The following BBS9 variants were observed in gnomAD, a reference collection of about 807,000 sequenced individuals.
BBS9 encodes Bardet-Biedl syndrome 9.
Under a neutral mutation model 117.7 loss-of-function variants are expected in BBS9, and 89 were observed. That is an observed-to-expected ratio of 0.76 (90% CI 0.64 to 0.90). BBS9 has a LOEUF of 0.90. Among genes scored for constraint, BBS9 ranks in the 40% least tolerant of loss-of-function variants. BBS9 has a pLI of 0.00. For synonymous variants in BBS9, 379 were observed against 370.9 expected (o/e 1.02, Z -0.25); for missense variants, 982 against 1,042.2 (o/e 0.94, Z 0.80).
rs186772596 is a variant in BBS9 at position 33,602,821 on chromosome 7, G to T, written c.2522-2044G>T. Among the ~76,000 whole-genome samples, 5 of 152,294 alleles carry T rather than the reference G, an allele frequency of 3.3e-5. No homozygotes were observed. The East Asian group carries it at 9.7e-4, about 29-fold the overall frequency. The stretch of plus-strand genomic sequence containing the variant: ...CTGTGGGTGTGGAGTCTGAGGAGGT[G>T]CATGCAATCTGTGTCCACTACAGCA... On this transcript the variant is annotated intron_variant, in intron 21 of 22. Transcript: ENST00000242067.
At chr7:33,395,962 C>T (rs1226495211) in intron 19 of BBS9, among the ~76,000 whole-genome samples, 1 of 152,024 alleles carries the variant, frequency 6.6e-6, no homozygotes, top group African/African-American at 2.4e-5. Context: ...CATATAACCA[C>T]TTAAGAGCTA....
intron 19 of BBS9, among the ~76,000 whole-genome samples, chr7:33,502,082 G>A (rs1314307978): frequency 6.6e-6 from 1 of 151,992 alleles, no homozygotes; most frequent in African/African-American, 2.4e-5. Flanking sequence ...GCTACTTTTT[G>A]TATTTTTAGT....
chr7:33,268,876 G>A (rs1020689301), intron 7 of BBS9, among the ~76,000 whole-genome samples: 1 of 152,132 alleles, frequency 6.6e-6, no homozygotes, highest in Admixed American at 6.6e-5. Context: ...AGACACTGAC[G>A]TACAAAGCCA....
At chr7:33,593,000 T>C (rs933452742) in intron 21 of BBS9, among the ~76,000 whole-genome samples, 5 of 152,180 alleles carry the variant, frequency 3.3e-5, no homozygotes, top group African/African-American at 1.2e-4. Context: ...TGTGTACTTT[T>C]GAGAGAGTAT....
intron 5 of BBS9, among the ~76,000 whole-genome samples, chr7:33,215,597 G>A (rs996407109): frequency 6.6e-6 from 1 of 151,978 alleles, no homozygotes. Context: ...AGATTGGTCT[G>A]GGCAGAAATG....
intron 10 of BBS9, among the ~76,000 whole-genome samples, chr7:33,337,808 A>G (rs1210522754): frequency 6.6e-6 from 1 of 152,146 alleles, no homozygotes; most frequent in Admixed American, 6.5e-5. Context: ...ATTTAAAAAT[A>G]TAATTGGGGA....
At chr7:33,169,731 G>C (rs1417031157) in intron 4 of BBS9, among the ~76,000 whole-genome samples, 1 of 151,914 alleles carries the variant, frequency 6.6e-6, no homozygotes, top group Non-Finnish European at 1.5e-5. Flanking sequence ...AGATGAGTAG[G>C]TTGCGAAAAT....
chr7:33,179,190 TA>T (rs1797752950), intron 5 of BBS9, among the ~76,000 whole-genome samples: 2 of 152,260 alleles, frequency 1.3e-5, no homozygotes, highest in Non-Finnish European at 1.5e-5. Flanking sequence ...CCATACATCA[TA>T]AAAAAATTAT....
chr7:33,586,197 A>G (rs1434491383), intron 21 of BBS9, among the ~76,000 whole-genome samples: 2 of 152,110 alleles, frequency 1.3e-5, no homozygotes, highest in African/African-American at 2.4e-5. Flanking sequence ...ATAAACAAGT[A>G]AAAACCAAAT....
chr7:33,316,765 A>G (rs61517720), intron 9 of BBS9, among the ~76,000 whole-genome samples: 17,925 of 152,150 alleles, frequency 0.12, 1,270 homozygotes, highest in South Asian at 0.19. Context: ...CTTTATATAG[A>G]AGGACGCAAG....
chr7:33,425,305 A>G (rs1833495490), intron 19 of BBS9, among the ~76,000 whole-genome samples: 1 of 152,164 alleles, frequency 6.6e-6, no homozygotes, highest in Admixed American at 6.5e-5. Flanking sequence ...TACTTATTTT[A>G]AAGTATGATG....
intron 17 of BBS9, among the ~76,000 whole-genome samples, chr7:33,377,792 A>G (rs1824170962): frequency 6.6e-6 from 1 of 152,098 alleles, no homozygotes; most frequent in South Asian, 2.1e-4. Flanking sequence ...GTAATTATGA[A>G]TGGGATTGTG....
Position 33,620,619 on chromosome 7 carries a change from C to A in BBS9, c.2522-14558C>A, listed in dbSNP as rs77945862. The stretch of plus-strand genomic sequence containing the variant: ...AAACACAAATGAAAAAATATCCTGT[C>A]TTTTTGAATCAGGAGAATTAATATT... On this transcript the variant is annotated intron_variant, in intron 21 of 21. Coordinates refer to the BBS9 transcript ENST00000671952. Among the ~76,000 whole-genome samples the A allele has an allele frequency of 3.3e-5, 5 of 151,930 alleles. No homozygotes were observed. The East Asian group carries it at 9.6e-4, about 29-fold the overall frequency.
chr7:33,526,639 A>T (rs1248886886), intron 20 of BBS9, among the ~76,000 whole-genome samples: 6 of 147,236 alleles, frequency 4.1e-5, no homozygotes, highest in African/African-American at 1.3e-4. Context: ...TATTCTAGTT[A>T]TACATTCTTC....
intron 20 of BBS9, among the ~76,000 whole-genome samples, chr7:33,516,385 A>T (rs1034565431): frequency 6.8e-6 from 1 of 146,502 alleles, no homozygotes; most frequent in African/African-American, 2.5e-5. Flanking sequence ...GCTACTTGGG[A>T]GGCTGAGGCA....
intron 21 of BBS9, among the ~76,000 whole-genome samples, chr7:33,537,006 G>C (rs1383477622): frequency 6.6e-6 from 1 of 151,890 alleles, no homozygotes; most frequent in Non-Finnish European, 1.5e-5. Context: ...CTGGATTACT[G>C]AATAAGCATA....
At chr7:33,520,083 A>AC (rs1848385217) in intron 20 of BBS9, among the ~76,000 whole-genome samples, 1 of 149,682 alleles carries the variant, frequency 6.7e-6, no homozygotes, top group South Asian at 2.1e-4. Flanking sequence ...ATCTCAGCTC[A>AC]CCGCAACCTC....
At chr7:33,310,178 T>G (rs893407857) in intron 9 of BBS9, among the ~76,000 whole-genome samples, 3 of 152,218 alleles carry the variant, frequency 2.0e-5, no homozygotes, top group Admixed American at 6.5e-5. Context: ...TCTTGATAGA[T>G]GGCTTCATAC....
chr7:33,239,236 C>T (rs2128279784), intron 5 of BBS9, among the ~76,000 whole-genome samples: 2 of 152,138 alleles, frequency 1.3e-5, no homozygotes, highest in South Asian at 4.2e-4. Flanking sequence ...TGGGGACTTA[C>T]TTGGTGCTAC....
Sources: gnomAD v4.1 joint callset for allele counts (sites outside exome capture counted in the v4.1 genomes callset) on GRCh38, gnomAD v4.1.1 for gene constraint, MANE v1.5 for transcripts, NCBI Gene and HGNC (gene_info 2026-07-23, HGNC 2026-07-21) for gene names.